SLC16A9: variants seen among roughly 807,000 people sequenced by gnomAD.
SLC16A9 encodes the protein monocarboxylate transporter 9.
In SLC16A9, 26 loss-of-function variants were observed where a neutral mutation model predicts 44.3. That is an observed-to-expected ratio of 0.59 (90% CI 0.43 to 0.81). The LOEUF (loss-of-function observed/expected upper bound fraction) is 0.81, where lower values mean the gene tolerates loss of function less well. Among genes scored for constraint, SLC16A9 ranks in the 40% least tolerant of loss-of-function variants. SLC16A9 has a pLI of 0.00. For missense variants in SLC16A9, 559 were observed against 595.8 expected, an observed-to-expected ratio of 0.94 and a Z score of 0.64; for synonymous variants, 230 against 225.1, an observed-to-expected ratio of 1.02 and a Z score of -0.19.
Position 59,651,484 on chromosome 10 carries a change from C to T in SLC16A9, c.*1288G>A, listed in dbSNP as rs1396570585. 1 of 151,980 alleles carries T rather than the reference C, an allele frequency of 6.6e-6. No individual in the cohort carries two copies. Among genetic ancestry groups the T allele is most frequent in the African/African-American group, 2.4e-5 (1 of 41,354 alleles). The allele number at this position is 151,980 out of a possible 1,614,324, so 9.4% of individuals were successfully genotyped here. Reference sequence around the variant, plus strand: ...TGTGTTATCAGAATCACTTGAAGAGCTCAGTAAAATTATAGATGTTTGGGC... The same window carrying T: ...TGTGTTATCAGAATCACTTGAAGAGTTCAGTAAAATTATAGATGTTTGGGC... On this transcript the variant is annotated 3_prime_UTR_variant, in exon 6 of 6. Transcript: ENST00000395348.
intron 4 of SLC16A9, 41 bp from the exon 5 acceptor site, chr10:59,654,630 G>A: frequency 6.8e-7 from 1 of 1,460,344 alleles, no homozygotes; most frequent in Non-Finnish European, 9.0e-7. Flanking sequence ...GTAATCTGAG[G>A]CTCTCAGGAT....
At chr10:59,707,900 C>CA (rs1207670543) in intron 1 of SLC16A9, among the ~76,000 whole-genome samples, 6 of 152,206 alleles carry the variant, frequency 3.9e-5, no homozygotes, top group Admixed American at 3.3e-4. Flanking sequence ...TTTTCAGACT[C>CA]AAAGTCAGAA....
intron 4 of SLC16A9, among the ~76,000 whole-genome samples, chr10:59,661,023 T>G (rs1839463327): frequency 6.6e-6 from 1 of 152,232 alleles, no homozygotes. Context: ...AAGATCTATT[T>G]CTGACAAACC....
chr10:59,655,546 AT>A (rs35509089), intron 4 of SLC16A9, among the ~76,000 whole-genome samples: 42,525 of 152,052 alleles, frequency 0.28, 7,064 homozygotes, highest in Middle Eastern at 0.4. Context: ...GAAAAGTAGA[AT>A]TTTTTTAGGG....
intron 1 of SLC16A9, among the ~76,000 whole-genome samples, chr10:59,704,150 A>C (rs1237662743): frequency 1.3e-5 from 2 of 152,176 alleles, no homozygotes; most frequent in African/African-American, 4.8e-5. Flanking sequence ...GGAACTGAGT[A>C]AGTCTGGCTC....
intron 2 of SLC16A9, among the ~76,000 whole-genome samples, chr10:59,677,390 C>T (rs1029192098): frequency 6.6e-6 from 1 of 152,140 alleles, no homozygotes; most frequent in Non-Finnish European, 1.5e-5. Flanking sequence ...CTACACCCAG[C>T]GCAGTGTGTA....
chr10:59,666,188 A>G (rs948661138), intron 3 of SLC16A9, among the ~76,000 whole-genome samples: 4 of 151,884 alleles, frequency 2.6e-5, no homozygotes, highest in Non-Finnish European at 5.9e-5. Flanking sequence ...GGTCTCAGCT[A>G]CTCAGGAGGC....
intron 2 of SLC16A9, among the ~76,000 whole-genome samples, chr10:59,673,235 G>A (rs993261930): frequency 3.3e-5 from 5 of 152,066 alleles, no homozygotes; most frequent in African/African-American, 1.2e-4. Context: ...TCGGTCTTGG[G>A]CAACTTATTT....
intron 4 of SLC16A9, among the ~76,000 whole-genome samples, chr10:59,656,157 C>T (rs539519598): frequency 6.6e-6 from 1 of 152,232 alleles, no homozygotes; most frequent in Admixed American, 6.5e-5. Flanking sequence ...TAACAGTAGA[C>T]AAATGTAACC....
chr10:59,676,775 T>C (rs1839866950), intron 2 of SLC16A9, among the ~76,000 whole-genome samples: 1 of 151,782 alleles, frequency 6.6e-6, no homozygotes. Context: ...ATACAAAAAT[T>C]AGCCAGGTGT....
chr10:59,699,208 C>T (rs949369621), intron 1 of SLC16A9, among the ~76,000 whole-genome samples: 1 of 152,164 alleles, frequency 6.6e-6, no homozygotes, highest in African/African-American at 2.4e-5. Context: ...ATAAGGCTGT[C>T]AGGATAATGA....
At position 59,653,842 on chromosome 10, in the gene SLC16A9, T is replaced by C. The variant is rs1323335380; in HGVS notation, c.1184A>G (p.Tyr395Cys). 1 of 1,614,138 alleles carries C rather than the reference T, an allele frequency of 6.2e-7. No homozygotes were observed. The highest frequency in any genetic ancestry group is 1.3e-5 in the African/African-American group (1 of 75,032). ...ALCAIPFAKS[Y>C]VTLALLSGIL... ...CCCAGAAAGCAACGCCAATGTGACA[T>C]AGCTTTTGGCAAATGGAATTGCACA... The change falls in exon 5 of 6, where the codon TAT becomes TGT. Residue 395 changes from tyrosine to cysteine, a missense_variant. Physicochemically the swap from Tyr to Cys is radical, Grantham distance 194. Coordinates refer to ENST00000395348, the MANE Select transcript of SLC16A9 (RefSeq NM_194298.3).
In SLC16A9 at chr10:59,652,633, A is replaced by C; in HGVS notation, c.*139T>G. The C allele has an allele frequency of 1.4e-6, 1 of 719,184 alleles. No homozygotes were observed. Among genetic ancestry groups the C allele is most frequent in the Non-Finnish European group, 2.2e-6 (1 of 454,900 alleles). The allele number at this position is 719,184 out of a possible 1,614,324, so 44.6% of individuals were successfully genotyped here. On this transcript the variant is annotated 3_prime_UTR_variant, in exon 6 of 6. Transcript: ENST00000395348. ...TAAAAAATAGGATATATAAAAAAAAATAATTCATTCAGAGTCAGTCATTGT... is the reference window on the plus strand; with the variant it reads ...TAAAAAATAGGATATATAAAAAAAACTAATTCATTCAGAGTCAGTCATTGT...
chr10:59,700,179 G>T (rs1840491670), intron 1 of SLC16A9, among the ~76,000 whole-genome samples: 1 of 152,164 alleles, frequency 6.6e-6, no homozygotes, highest in African/African-American at 2.4e-5. Flanking sequence ...TCCAAACAAG[G>T]TTTGCTTTTG....
rs556986881 is a variant in SLC16A9 at position 59,670,992 on chromosome 10, C to A, written c.340+1778G>T. Among the ~76,000 whole-genome samples the A allele has an allele frequency of 7.2e-5, 11 of 152,258 alleles. 1 individual carries two copies. The highest frequency in any genetic ancestry group is 2.6e-4 in the African/African-American group (11 of 41,556). ...TTTTATTAATTGAAATCTAACTCAA[C>A]TCTTTATTTTATTGTTATCTTGCTT... On this transcript the variant is annotated intron_variant, in intron 3 of 5. Coordinates refer to ENST00000395348, the MANE Select transcript of SLC16A9 (RefSeq NM_194298.3).
chr10:59,683,516 TGATTG>T (rs998679083), intron 2 of SLC16A9, among the ~76,000 whole-genome samples: 3 of 152,334 alleles, frequency 2.0e-5, no homozygotes, highest in Admixed American at 6.5e-5. Flanking sequence ...TTTAATTTTG[TGATTG>T]GATTGGATTG....
intron 3 of SLC16A9, among the ~76,000 whole-genome samples, chr10:59,665,597 T>C (rs1839591467): frequency 6.6e-6 from 1 of 152,170 alleles, no homozygotes; most frequent in Non-Finnish European, 1.5e-5. Context: ...GTTGGATTAA[T>C]TTATATAGTT....
At chr10:59,653,479 G>A (rs1012729100) in intron 5 of SLC16A9, among the ~76,000 whole-genome samples, 196 bp downstream of exon 5, 46 of 124,184 alleles carry the variant, frequency 3.7e-4, no homozygotes, top group Non-Finnish European at 6.4e-4. Flanking sequence ...AATAAAGAGC[G>A]AACACAAATC....
At chr10:59,708,596 A>C (rs1840694763) in intron 1 of SLC16A9, 1 of 152,238 alleles carries the variant, frequency 6.6e-6, no homozygotes, top group Non-Finnish European at 1.5e-5. Flanking sequence ...TGTTATATCG[A>C]ATAACTTACT....
Sources: gnomAD v4.1 joint callset for allele counts (sites outside exome capture counted in the v4.1 genomes callset) on GRCh38, gnomAD v4.1.1 for gene constraint, MANE v1.5 for transcripts, NCBI Gene and HGNC (gene_info 2026-07-23, HGNC 2026-07-21) for gene names.